STARD8: variants seen among roughly 807,000 people sequenced by gnomAD.
STARD8 encodes stAR-related lipid transfer protein 8.
STARD8 carries 25 observed loss-of-function variants against 69.4 expected under a neutral mutation model. The observed-to-expected ratio is 0.36, with a 90% CI of 0.26 to 0.50. STARD8 has a LOEUF of 0.50. STARD8 is among the 20% of genes least tolerant of loss of function. The pLI is 0.96. For synonymous variants in STARD8, 389 were observed against 374.6 expected (o/e 1.04, Z -0.45); for missense variants, 921 against 932.5 (o/e 0.99, Z 0.16).
chrX:68,720,571 C>T (rs914951535), intron 8 of STARD8, 148 bp downstream of exon 8: 67 of 640,446 alleles, frequency 1.0e-4, no homozygotes, highest in Non-Finnish European at 1.1e-4. Context: ...TTGCTGTTCT[C>T]AGCAAGGACC....
At position 68,724,346 on chromosome X, in the gene STARD8, T is replaced by A. The variant is rs763074868; in HGVS notation, c.3236T>A (p.Leu1079Gln). The A allele has an allele frequency of 2.5e-6, 3 of 1,207,781 alleles. No homozygotes were observed. The highest frequency in any genetic ancestry group is 3.5e-5 in the African/African-American group (2 of 57,311). ...PDWYNKVFGH[L>Q]CAMEVAKIRD... ...TGGTACAACAAAGTCTTTGGACACC[T>A]GTGTGCCATGGAAGTGGCAAAGATC... Residue 1079 changes from leucine to glutamine, a missense_variant, in exon 15 of 15, where the codon CTG becomes CAG. Coordinates refer to ENST00000374599, the MANE Select transcript of STARD8 (RefSeq NM_001142503.3).
intron 2 of STARD8, among the ~76,000 whole-genome samples, chrX:68,673,473 T>G (rs749785502): frequency 8.9e-6 from 1 of 111,777 alleles, no homozygotes; most frequent in Non-Finnish European, 1.9e-5. Context: ...TGTCAGTCAC[T>G]GGGAGGCAGA....
At chrX:68,663,058 G>T (rs1195415684) in intron 1 of STARD8, among the ~76,000 whole-genome samples, 1 of 112,180 alleles carries the variant, frequency 8.9e-6, no homozygotes, top group Non-Finnish European at 1.9e-5. Context: ...TTCTTCTAGA[G>T]TGGCTGTCTT....
chrX:68,705,155 TG>T (rs1396428526), intron 2 of STARD8, among the ~76,000 whole-genome samples: 1 of 112,279 alleles, frequency 8.9e-6, no homozygotes, highest in Non-Finnish European at 1.9e-5. Context: ...AGGAGCCCCT[TG>T]GGGGCAAGAA....
intron 3 of STARD8, among the ~76,000 whole-genome samples, chrX:68,713,677 A>G (rs1270693788): frequency 1.8e-5 from 2 of 111,471 alleles, no homozygotes; most frequent in African/African-American, 6.5e-5. Context: ...TGCTTCCTCT[A>G]ACTGATATCT....
At chrX:68,668,185 C>T (rs1291070443) in intron 2 of STARD8, among the ~76,000 whole-genome samples, 1 of 100,107 alleles carries the variant, frequency 1.0e-5, no homozygotes, top group African/African-American at 3.7e-5. Flanking sequence ...TTCCTTCCTA[C>T]CTACCCTTCC....
In STARD8 at chrX:68,724,028, G is replaced by A; in HGVS notation, c.3101G>A (p.Gly1034Asp). The A allele has an allele frequency of 8.3e-7, 1 of 1,212,064 alleles. No individual in the cohort carries two copies. Among genetic ancestry groups the A allele is most frequent in the Non-Finnish European group, 1.1e-6 (1 of 895,598 alleles). ...LDPEQPVPESGVRALMLTSQY... is the reference protein window; with the variant it reads ...LDPEQPVPESDVRALMLTSQY... ...CCGGAACAACCTGTGCCAGAGTCGG[G>A]TGTGCGAGCCCTCATGCTCACATCC... is the stretch of plus-strand genomic sequence containing the variant. The change falls in exon 14 of 15, where the codon GGT (glycine) becomes GAT (aspartate). Residue 1034 changes from glycine (G) to aspartate (D), a missense_variant. Physicochemically the swap from Gly to Asp is moderately conservative, Grantham distance 94. Transcript: ENST00000374599.
chrX:68,689,630 G>A (rs1417371772), intron 2 of STARD8, among the ~76,000 whole-genome samples: 1 of 112,503 alleles, frequency 8.9e-6, no homozygotes, highest in African/African-American at 3.2e-5. Flanking sequence ...AGGGCAGAGA[G>A]GTTAGGTGAC....
chrX:68,694,910 T>C (rs2079907596), intron 2 of STARD8, among the ~76,000 whole-genome samples: 1 of 110,844 alleles, frequency 9.0e-6, no homozygotes, highest in Non-Finnish European at 1.9e-5. Flanking sequence ...GTTGGGGGCC[T>C]CAGAGATTGG....
At chrX:68,703,504 C>T (rs1455364747) in intron 2 of STARD8, among the ~76,000 whole-genome samples, 1 of 112,715 alleles carries the variant, frequency 8.9e-6, no homozygotes, top group East Asian at 2.8e-4. Context: ...ACAGCCCTCC[C>T]TCTGGCTCTC....
In STARD8 at chrX:68,722,789, CAG is replaced by C. The variant is rs1034544839; in HGVS notation, c.2799+148_2799+149del. 5 of 558,360 alleles carry C rather than the reference CAG, an allele frequency of 9.0e-6. No individual in the cohort carries two copies. In the African/African-American group the frequency reaches 1.2e-4, roughly 13 times the overall value. 46.0% of individuals were successfully genotyped at this position (558,360 alleles called of 1,213,427 possible). Reference sequence around the variant, plus strand: ...CCTCGGCCTGGTCCTTGGAGAATGTCAGAGAGTCAAGAAAGTACCTTAAGGAA... The same window carrying C: ...CCTCGGCCTGGTCCTTGGAGAATGTCAGAGTCAAGAAAGTACCTTAAGGAA... On this transcript the variant is annotated intron_variant, in intron 12 of 14. Coordinates refer to ENST00000374599, the MANE Select transcript of STARD8 (RefSeq NM_001142503.3).
At chrX:68,713,826 A>G (rs1250734826) in intron 3 of STARD8, among the ~76,000 whole-genome samples, 1 of 111,815 alleles carries the variant, frequency 8.9e-6, no homozygotes, top group African/African-American at 3.3e-5. Context: ...CTCCAGATTC[A>G]TATATTCACA....
Position 68,719,377 on chromosome X carries a change from C to T in STARD8, c.1868C>T (p.Pro623Leu). ...LTAFMEKYTV[P>L]HKQGWVWSMP... Reference sequence around the variant, plus strand: ...GCGTTCATGGAGAAGTACACTGTGCCCCACAAGCAGGGCTGGGTCTGGTGA... The same window carrying T: ...GCGTTCATGGAGAAGTACACTGTGCTCCACAAGCAGGGCTGGGTCTGGTGA... Residue 623 changes from proline (P) to leucine (L), a missense_variant, in exon 7 of 15, where the codon CCC (proline) becomes CTC (leucine). Coordinates refer to ENST00000374599, the MANE Select transcript of STARD8 (RefSeq NM_001142503.3). 1.7e-6 allele frequency: 2 copies of T among 1,187,048 alleles called. No individual in the cohort carries two copies. The highest frequency in any genetic ancestry group is 3.5e-5 in the African/African-American group (2 of 57,320).
chrX:68,653,120 A>ACC (rs2079573868), intron 1 of STARD8, among the ~76,000 whole-genome samples: 1 of 63,558 alleles, frequency 1.6e-5, no homozygotes. Flanking sequence ...CACACCACAC[A>ACC]CCACACACAC....
In STARD8 at chrX:68,688,710, C is replaced by T. The variant is rs187055053; in HGVS notation, c.79+23178C>T. ...AACGCTGGGGGCAAAGACCAGGGCT[C>T]CAGGAGTGGGGCAGCTTAGCCTCAG... On this transcript the variant is annotated intron_variant, in intron 2 of 14. Transcript: ENST00000374599. Among the ~76,000 whole-genome samples, 189 of 111,442 alleles carry T rather than the reference C, an allele frequency of 1.7e-3. 5 individuals are homozygous for T. In the East Asian group the frequency reaches 0.045, roughly 27 times the overall value.
rs1488151837 is a variant in STARD8, at chrX:68,712,999, A to G, written c.151+14A>G. ...AGCTTTTTGAAGGTAAGGCCACTCA[A>G]CTGTTTACCCTCCCATACTTCCCCT... On this transcript the variant is annotated intron_variant, in intron 3 of 14. Transcript: ENST00000374599. 1 of 1,195,859 alleles carries G rather than the reference A, an allele frequency of 8.4e-7. No individual in the cohort carries two copies. Among genetic ancestry groups the G allele is most frequent in the East Asian group, 3.0e-5 (1 of 33,499 alleles).
Position 68,719,025 on chromosome X carries a change from C to T in STARD8, c.1716-200C>T, listed in dbSNP as rs769448283. 4.5e-5 allele frequency among the ~76,000 whole-genome samples: 5 copies of T among 110,932 alleles called. No individual in the cohort carries two copies. In the East Asian group the frequency reaches 1.1e-3, roughly 25 times the overall value. On this transcript the variant is annotated intron_variant, in intron 6 of 14. Coordinates refer to ENST00000374599, the MANE Select transcript of STARD8 (RefSeq NM_001142503.3). ...TGGGCCTGAGCTCTGTGCCACCCTC[C>T]CCAAGAACTTCTTGGCCCCTAAGAA...
chrX:68,706,799 C>T (rs2080010442), intron 2 of STARD8, among the ~76,000 whole-genome samples: 1 of 113,179 alleles, frequency 8.8e-6, no homozygotes, highest in African/African-American at 3.2e-5. Flanking sequence ...AGATACAAGC[C>T]CTCTGCCAAA....
Position 68,678,439 on chromosome X carries a change from C to T in STARD8, c.79+12907C>T, listed in dbSNP as rs767406623. On this transcript the variant is annotated intron_variant, in intron 2 of 14. Coordinates refer to ENST00000374599, the MANE Select transcript of STARD8 (RefSeq NM_001142503.3). ...GTGATAGGGTCAGTGAGTGCTTAAA[C>T]ACAGCAAATCAGTAGAGTCCTGTCC... is the stretch of plus-strand genomic sequence containing the variant. Among the ~76,000 whole-genome samples, 5 of 111,955 alleles carry T rather than the reference C, an allele frequency of 4.5e-5. No homozygotes were observed. The East Asian group carries it at 1.4e-3, about 32-fold the overall frequency.
Sources: gnomAD v4.1 joint callset for allele counts (sites outside exome capture counted in the v4.1 genomes callset) on GRCh38, gnomAD v4.1.1 for gene constraint, MANE v1.5 for transcripts, NCBI Gene and HGNC (gene_info 2026-07-23, HGNC 2026-07-21) for gene names.